Variants in ABTB3 observed in about 807,000 individuals in gnomAD.
The protein encoded by ABTB3 is ankyrin repeat and BTB domain containing 3.
chr12:107,628,852 G>T, the ABTB3 span, among the ~76,000 whole-genome samples: 10 of 152,232 alleles, frequency 6.6e-5, no homozygotes, highest in East Asian at 1.7e-3. Context: ...GAGTAACTTT[G>T]CCAAGGTTAC....
chr12:107,617,024 CT>C, the ABTB3 span: 1 of 1,540,298 alleles, frequency 6.5e-7, no homozygotes, highest in Non-Finnish European at 9.0e-7. Context: ...TCCCAGCAGT[CT>C]TTCCTGACAC....
chr12:107,551,994 C>T, the ABTB3 span, among the ~76,000 whole-genome samples: 9 of 152,206 alleles, frequency 5.9e-5, no homozygotes, highest in East Asian at 1.2e-3. Flanking sequence ...TCGGGTGATC[C>T]GCCTTCCTCG....
the ABTB3 span, among the ~76,000 whole-genome samples, chr12:107,488,123 C>G: frequency 3.6e-3 from 540 of 152,056 alleles, 5 homozygotes; most frequent in African/African-American, 0.012. Flanking sequence ...AACTGGGTAG[C>G]AGATTCAGTG....
chr12:107,635,993 C>T, the ABTB3 span, among the ~76,000 whole-genome samples: 6 of 152,148 alleles, frequency 3.9e-5, no homozygotes, highest in East Asian at 9.7e-4. Context: ...GGGAGGCGTG[C>T]ACTGTGCCGG....
chr12:107,531,061 A>G, the ABTB3 span, among the ~76,000 whole-genome samples: 1 of 152,214 alleles, frequency 6.6e-6, no homozygotes, highest in Non-Finnish European at 1.5e-5. Flanking sequence ...CCTCTTATTA[A>G]CCCTGTAACC....
chr12:107,535,520 TAA>T, the ABTB3 span, among the ~76,000 whole-genome samples: 5 of 152,156 alleles, frequency 3.3e-5, no homozygotes, highest in Admixed American at 2.0e-4. Context: ...TAGAAAAATC[TAA>T]AGAGTCCACC....
chr12:107,406,602 C>A, the ABTB3 span, among the ~76,000 whole-genome samples: 2 of 152,146 alleles, frequency 1.3e-5, no homozygotes, highest in Non-Finnish European at 2.9e-5. Context: ...CCAATATTCA[C>A]GGAGCATTTC....
the ABTB3 span, among the ~76,000 whole-genome samples, chr12:107,397,530 T>C: frequency 4.4e-4 from 67 of 152,260 alleles, 1 homozygote; most frequent in Admixed American, 2.9e-3. Context: ...ATTCTTTACC[T>C]GTTGTATAAG....
the ABTB3 span, among the ~76,000 whole-genome samples, chr12:107,602,053 T>C: frequency 6.6e-6 from 1 of 152,106 alleles, no homozygotes; most frequent in Non-Finnish European, 1.5e-5. Flanking sequence ...GAGCTGCCGG[T>C]TACCTTCTAG....
the ABTB3 span, among the ~76,000 whole-genome samples, chr12:107,423,642 G>A: frequency 4.6e-5 from 7 of 152,138 alleles, no homozygotes; most frequent in East Asian, 5.8e-4. Context: ...TTTGGAGCCC[G>A]TGATGCCAAA....
the ABTB3 span, among the ~76,000 whole-genome samples, chr12:107,433,086 C>T: frequency 6.6e-6 from 1 of 150,758 alleles, no homozygotes. Context: ...GAGATCGAGA[C>T]CATCCTGGCT....
chr12:107,504,380 AACAC>A, the ABTB3 span, among the ~76,000 whole-genome samples: 1 of 150,990 alleles, frequency 6.6e-6, no homozygotes, highest in Admixed American at 6.6e-5. Flanking sequence ...CATGCCCGTA[AACAC>A]ACACACACAC....
chr12:107,592,778 A>C, the ABTB3 span, among the ~76,000 whole-genome samples: 1 of 152,208 alleles, frequency 6.6e-6, no homozygotes, highest in Non-Finnish European at 1.5e-5. Context: ...GTACTCAGAA[A>C]GGTAGACAAG....
the ABTB3 span, among the ~76,000 whole-genome samples, chr12:107,466,254 G>A: frequency 6.6e-6 from 1 of 151,958 alleles, no homozygotes; most frequent in Non-Finnish European, 1.5e-5. Context: ...GAAGACAGCA[G>A]TTGGTTTTAC....
the ABTB3 span, among the ~76,000 whole-genome samples, chr12:107,555,538 C>T: frequency 6.6e-6 from 1 of 152,172 alleles, no homozygotes; most frequent in Non-Finnish European, 1.5e-5. Flanking sequence ...CTAGTTTGGT[C>T]TAATACCAGC....
the ABTB3 span, among the ~76,000 whole-genome samples, chr12:107,520,965 C>T: frequency 4.2e-4 from 64 of 152,264 alleles, no homozygotes; most frequent in South Asian, 0.011. Context: ...AGCTCACATC[C>T]ATAAAGGTGT....
At chr12:107,648,916 AG>A in the ABTB3 span, among the ~76,000 whole-genome samples, 1 of 126,098 alleles carries the variant, frequency 7.9e-6, no homozygotes, top group South Asian at 2.8e-4. Flanking sequence ...GCAGCAGCTT[AG>A]GGTTGTTTAG....
chr12:107,439,567 G>T, the ABTB3 span, among the ~76,000 whole-genome samples: 1 of 152,062 alleles, frequency 6.6e-6, no homozygotes, highest in South Asian at 2.1e-4. Context: ...CCTTCCCCCT[G>T]CCCTTCTCAG....
the ABTB3 span, among the ~76,000 whole-genome samples, chr12:107,404,148 G>C: frequency 9.4e-6 from 1 of 106,434 alleles, no homozygotes; most frequent in Non-Finnish European, 1.8e-5. Flanking sequence ...GGATAACAGA[G>C]AGAGACTCTA....
Sources: allele counts gnomAD v4.1 joint callset (sites outside exome capture counted in the v4.1 genomes callset), GRCh38; gene constraint gnomAD v4.1.1; transcripts MANE v1.5; gene names NCBI Gene and HGNC (gene_info 2026-07-23, HGNC 2026-07-21).